Variants in RPH3A observed in about 807,000 individuals in gnomAD.
RPH3A encodes rabphilin 3A.
Under a neutral mutation model 102.2 loss-of-function variants are expected in RPH3A, and 48 were observed. That is an observed-to-expected ratio of 0.47 (90% CI 0.37 to 0.60). The LOEUF (loss-of-function observed/expected upper bound fraction) is 0.60. RPH3A is among the 20% of genes least tolerant of loss of function. The pLI, the probability that RPH3A is intolerant of heterozygous loss-of-function variation, is 0.00. For missense variants in RPH3A, 781 were observed against 910.1 expected, an observed-to-expected ratio of 0.86 and a Z score of 1.83; for synonymous variants, 310 against 324.3, an observed-to-expected ratio of 0.96 and a Z score of 0.47.
chr12:112,620,398 G>A (rs779426487), intron 1 of RPH3A, among the ~76,000 whole-genome samples: 3 of 152,202 alleles, frequency 2.0e-5, no homozygotes, highest in Non-Finnish European at 2.9e-5. Context: ...TATACTCACT[G>A]AGTTTTCACT....
chr12:112,879,714 C>A (rs1054232858), intron 14 of RPH3A, among the ~76,000 whole-genome samples: 1 of 152,210 alleles, frequency 6.6e-6, no homozygotes. Flanking sequence ...GATTCCAGAC[C>A]CCAGGGGAAA....
intron 1 of RPH3A, among the ~76,000 whole-genome samples, chr12:112,686,940 C>G (rs1223654751): frequency 1.3e-5 from 2 of 151,986 alleles, no homozygotes; most frequent in African/African-American, 4.8e-5. Context: ...GCGACACCGT[C>G]TCTGCCAAAA....
chr12:112,823,783 T>G (rs111680446), intron 2 of RPH3A, among the ~76,000 whole-genome samples: 5,864 of 152,286 alleles, frequency 0.039, 387 homozygotes, highest in African/African-American at 0.13. Flanking sequence ...GGGAGTGGTT[T>G]GAGAATGTCT....
chr12:112,789,072 G>T (rs112191814), upstream of RPH3A, among the ~76,000 whole-genome samples: 4 of 152,142 alleles, frequency 2.6e-5, no homozygotes, highest in South Asian at 2.1e-4. Flanking sequence ...GCATGAGAAC[G>T]TCTTGAATCC....
intron 2 of RPH3A, among the ~76,000 whole-genome samples, chr12:112,804,283 G>GA (rs1170221659): frequency 6.6e-6 from 1 of 152,122 alleles, no homozygotes; most frequent in East Asian, 1.9e-4. Flanking sequence ...AGACAGGCTG[G>GA]AAAAAAGCAG....
At chr12:112,750,381 C>A (rs1206077036) in intron 1 of RPH3A, among the ~76,000 whole-genome samples, 1 of 152,054 alleles carries the variant, frequency 6.6e-6, no homozygotes, top group East Asian at 1.9e-4. Flanking sequence ...AGTCACCAAC[C>A]CAGTTACTAC....
intron 1 of RPH3A, among the ~76,000 whole-genome samples, chr12:112,675,170 G>A (rs1429686650): frequency 6.6e-6 from 1 of 152,164 alleles, no homozygotes; most frequent in Admixed American, 6.6e-5. Context: ...CCCTGCTAAA[G>A]GAAAGAGTTT....
rs2040315595 is a variant in RPH3A, at chr12:112,692,676, G to C, written c.-139-99467G>C. On this transcript the variant is annotated intron_variant, in intron 1 of 21. Transcript: ENST00000543106. The stretch of plus-strand genomic sequence containing the variant: ...TGTCCACTGAATGGGTAGAGAAAAT[G>C]CTGGATGAATCTGCATTGGGAGGGA... Among the ~76,000 whole-genome samples the C allele has an allele frequency of 2.0e-5, 3 of 152,174 alleles. No homozygotes were observed. The South Asian group carries it at 6.2e-4, about 32-fold the overall frequency.
intron 1 of RPH3A, among the ~76,000 whole-genome samples, chr12:112,581,354 G>T (rs1273779298): frequency 6.6e-6 from 1 of 152,082 alleles, no homozygotes; most frequent in Non-Finnish European, 1.5e-5. Flanking sequence ...ACTATCATGA[G>T]AAAAACATGG....
intron 15 of RPH3A, 140 bp downstream of exon 15, chr12:112,881,986 T>C (rs1231136309): frequency 3.4e-6 from 2 of 582,948 alleles, no homozygotes; most frequent in Admixed American, 5.9e-5. Context: ...GCAAAGCCAT[T>C]GCAGAGCAAG....
intron 1 of RPH3A, chr12:112,694,940 C>T (rs1592948259): frequency 5.9e-6 from 1 of 170,152 alleles, no homozygotes; most frequent in Non-Finnish European, 1.5e-5. Flanking sequence ...CTGTTCCCTT[C>T]TGCTGTCTGA....
chr12:112,643,815 G>A (rs2039907581), intron 1 of RPH3A, among the ~76,000 whole-genome samples: 1 of 152,168 alleles, frequency 6.6e-6, no homozygotes, highest in Non-Finnish European at 1.5e-5. Context: ...CCACTAATGG[G>A]TTTCAACCCA....
intron 2 of RPH3A, among the ~76,000 whole-genome samples, chr12:112,794,597 G>A (rs1236491882): frequency 6.6e-6 from 1 of 152,174 alleles, no homozygotes; most frequent in African/African-American, 2.4e-5. Context: ...TCCTTGGAGA[G>A]GCTCTGCTCT....
chr12:112,891,047 C>T, intron 19 of RPH3A, 44 bp downstream of exon 19: 1 of 1,605,540 alleles, frequency 6.2e-7, no homozygotes, highest in Non-Finnish European at 8.5e-7. Context: ...TGAAGGAGTC[C>T]TGGAGCCTTG....
intron 1 of RPH3A, among the ~76,000 whole-genome samples, chr12:112,610,045 C>T (rs549363088): frequency 3.3e-5 from 5 of 152,294 alleles, no homozygotes; most frequent in Admixed American, 2.0e-4. Context: ...CCTGCTCTCC[C>T]ATCTCATCTT....
At chr12:112,804,819 AT>A (rs1315520753) in intron 2 of RPH3A, among the ~76,000 whole-genome samples, 3 of 152,194 alleles carry the variant, frequency 2.0e-5, no homozygotes, top group Non-Finnish European at 2.9e-5. Context: ...GGATGCTATC[AT>A]TGTCATCATT....
At chr12:112,675,118 T>A (rs1446022946) in intron 1 of RPH3A, among the ~76,000 whole-genome samples, 2 of 152,258 alleles carry the variant, frequency 1.3e-5, no homozygotes, top group Non-Finnish European at 1.5e-5. Flanking sequence ...GCAGGTTTCA[T>A]GTGTCTAAAG....
intron 1 of RPH3A, chr12:112,695,148 T>C (rs754541251): frequency 5.9e-6 from 1 of 170,382 alleles, no homozygotes. Context: ...CATTGTTTAC[T>C]TGAAATTCAA....
chr12:112,710,014 G>A lies in RPH3A; in HGVS notation c.-139-82129G>A, dbSNP rs1001683044. On this transcript the variant is annotated intron_variant, in intron 1 of 21. Transcript: ENST00000543106. The stretch of plus-strand genomic sequence containing the variant: ...TTTTGAGACGGAGTCTTACTCTGTC[G>A]CCCAGGCTAGAGTGCAGTGGCATGA... Among the ~76,000 whole-genome samples the A allele has an allele frequency of 5.3e-5, 8 of 151,756 alleles. 1 individual carries two copies. In the South Asian group the frequency reaches 8.3e-4, roughly 16 times the overall value.
Sources: allele counts gnomAD v4.1 joint callset (sites outside exome capture counted in the v4.1 genomes callset), GRCh38; gene constraint gnomAD v4.1.1; transcripts MANE v1.5; gene names NCBI Gene and HGNC (gene_info 2026-07-23, HGNC 2026-07-21).